STK31: variants seen among roughly 807,000 people sequenced by gnomAD.
The protein encoded by STK31 is serine/threonine kinase 31, also known as serine/threonine-protein kinase 31.
STK31 carries 89 observed loss-of-function variants against 129.7 expected under a neutral mutation model. The ratio of observed to expected loss-of-function variants is 0.69; its 90% confidence interval spans 0.58 to 0.82. The LOEUF (loss-of-function observed/expected upper bound fraction) is 0.82, where lower values mean the gene tolerates loss of function less well. Among genes scored for constraint, STK31 ranks in the 40% least tolerant of loss-of-function variants. The pLI is 0.00. For missense variants in STK31, 1,187 were observed against 1,176.4 expected, an observed-to-expected ratio of 1.01 and a Z score of -0.13; for synonymous variants, 448 against 395.3, an observed-to-expected ratio of 1.13 and a Z score of -1.58.
chr7:23,783,044 T>C (rs1258042332), intron 16 of STK31, among the ~76,000 whole-genome samples: 1 of 151,822 alleles, frequency 6.6e-6, no homozygotes, highest in Non-Finnish European at 1.5e-5. Flanking sequence ...AATTCGCAAA[T>C]TGGGCAGCTG....
In STK31 at chr7:23,762,253, TA is replaced by T. The variant is rs1319836814; in HGVS notation, c.1294-543del. ...CCTCCCCCCTCCCTCCACCCCGAGA[TA>T]AAAATTTTTAAAAGACATATCCTTT... On this transcript the variant is annotated intron_variant, in intron 10 of 23. Coordinates refer to ENST00000355870, the MANE Select transcript of STK31 (RefSeq NM_031414.5). Among the ~76,000 whole-genome samples the T allele has an allele frequency of 2.3e-5, 3 of 130,858 alleles. No individual in the cohort carries two copies. The East Asian group carries it at 7.8e-4, about 34-fold the overall frequency. The allele number at this position is 130,858 out of a possible 152,430, so 85.8% of individuals were successfully genotyped here. A position where few individuals can be genotyped will look rare whatever the true frequency, so the allele number is the denominator to read the frequency against.
chr7:23,769,613 T>C (rs1432712901), intron 12 of STK31, 27 bp from the exon 13 acceptor site: 13 of 1,424,710 alleles, frequency 9.1e-6, no homozygotes, highest in Non-Finnish European at 1.3e-5. Context: ...AAATGAGATA[T>C]TTCATGTGTT....
chr7:23,715,953 C>G (rs11971262), intron 3 of STK31, among the ~76,000 whole-genome samples: 38,564 of 152,096 alleles, frequency 0.25, 5,176 homozygotes, highest in South Asian at 0.34. Flanking sequence ...GTATACTCTT[C>G]ACCCAGCTTC....
chr7:23,822,195 G>T (rs1442894822), intron 23 of STK31, among the ~76,000 whole-genome samples: 1 of 152,004 alleles, frequency 6.6e-6, no homozygotes, highest in Non-Finnish European at 1.5e-5. Context: ...TTTTGATAGG[G>T]ATTGCTTTGA....
At chr7:23,808,860 A>G (rs1476779995) in intron 22 of STK31, among the ~76,000 whole-genome samples, 2 of 151,720 alleles carry the variant, frequency 1.3e-5, no homozygotes, top group African/African-American at 2.4e-5. Context: ...AATAGGGTAT[A>G]TTACCTATTA....
At chr7:23,724,997 C>A (rs1031591097) in intron 4 of STK31, among the ~76,000 whole-genome samples, 1 of 152,162 alleles carries the variant, frequency 6.6e-6, no homozygotes, top group Admixed American at 6.5e-5. Context: ...TATTCTTCAG[C>A]CATTTTTCTC....
chr7:23,828,239 C>T (rs1794301711), intron 23 of STK31, among the ~76,000 whole-genome samples: 1 of 151,078 alleles, frequency 6.6e-6, no homozygotes. Flanking sequence ...TGGTGGGCTC[C>T]ACCCAGTTTG....
At chr7:23,772,441 A>G (rs1790259011) in intron 15 of STK31, among the ~76,000 whole-genome samples, 163 bp downstream of exon 15, 1 of 152,192 alleles carries the variant, frequency 6.6e-6, no homozygotes, top group African/African-American at 2.4e-5. Flanking sequence ...TATAAATAAA[A>G]TTGAGATTAC....
chr7:23,719,781 T>C (rs1442830546), intron 4 of STK31, among the ~76,000 whole-genome samples: 1 of 152,146 alleles, frequency 6.6e-6, no homozygotes, highest in Non-Finnish European at 1.5e-5. Context: ...ACACTTGTTT[T>C]TAGGTGTGTG....
intron 8 of STK31, among the ~76,000 whole-genome samples, chr7:23,748,943 T>C (rs2128089864): frequency 6.6e-6 from 1 of 152,368 alleles, no homozygotes; most frequent in East Asian, 1.9e-4. Flanking sequence ...TCTGTAGATG[T>C]TAATTATCAA....
intron 3 of STK31, among the ~76,000 whole-genome samples, chr7:23,714,985 A>G (rs1226072556): frequency 1.3e-5 from 2 of 152,216 alleles, no homozygotes; most frequent in African/African-American, 4.8e-5. Flanking sequence ...TAAACCATGA[A>G]GTTGAGGCTC....
intron 6 of STK31, among the ~76,000 whole-genome samples, chr7:23,734,879 C>A (rs568110929): frequency 1.3e-5 from 2 of 152,072 alleles, no homozygotes; most frequent in Non-Finnish European, 2.9e-5. Flanking sequence ...GCAGGAGAAT[C>A]GCTTGAACCG....
At chr7:23,717,652 T>C in intron 4 of STK31, 73 bp downstream of exon 4, 1 of 1,152,884 alleles carries the variant, frequency 8.7e-7, no homozygotes, top group South Asian at 1.4e-5. Context: ...ATTTAGTTTT[T>C]GGAGTTCCTG....
chr7:23,762,964 GTTTA>G (rs746358838), intron 11 of STK31, 41 bp downstream of exon 11: 27 of 1,462,116 alleles, frequency 1.8e-5, no homozygotes, highest in Non-Finnish European at 2.3e-5. Flanking sequence ...TAAATTGTAA[GTTTA>G]TTTAAGAAGT....
intron 15 of STK31, among the ~76,000 whole-genome samples, chr7:23,780,799 A>C (rs1174819894): frequency 6.6e-6 from 1 of 152,214 alleles, no homozygotes; most frequent in African/African-American, 2.4e-5. Context: ...GGAATTTCCT[A>C]CTGAGCAAAT....
At chr7:23,721,231 T>C in intron 4 of STK31, 1 of 395,388 alleles carries the variant, frequency 2.5e-6, no homozygotes, top group Non-Finnish European at 4.6e-6. Flanking sequence ...AATAATTCTC[T>C]CTCTTAACTC....
At chr7:23,717,416 C>A in intron 3 of STK31, 65 bp from the exon 4 acceptor site, 1 of 1,132,690 alleles carries the variant, frequency 8.8e-7, no homozygotes, top group Non-Finnish European at 1.3e-6. Context: ...TGCTTAGAAC[C>A]CTCAAGCGTG....
At chr7:23,755,397 CT>C (rs1365267767) in intron 10 of STK31, among the ~76,000 whole-genome samples, 1 of 152,110 alleles carries the variant, frequency 6.6e-6, no homozygotes, top group African/African-American at 2.4e-5. Context: ...GATATTAGAT[CT>C]TTGTCAGATG....
chr7:23,785,381 G>T, intron 17 of STK31, 97 bp from the exon 18 acceptor site: 1 of 1,506,590 alleles, frequency 6.6e-7, no homozygotes. Context: ...AGTTGATGGT[G>T]TCCAAGTCAT....
Sources: allele counts gnomAD v4.1 joint callset (sites outside exome capture counted in the v4.1 genomes callset), GRCh38; gene constraint gnomAD v4.1.1; transcripts MANE v1.5; gene names NCBI Gene and HGNC (gene_info 2026-07-23, HGNC 2026-07-21).